CDH4: variants seen among roughly 807,000 people sequenced by gnomAD.
CDH4 encodes cadherin-4.
Under a neutral mutation model 86.0 loss-of-function variants are expected in CDH4, and 33 were observed. That is an observed-to-expected ratio of 0.38 (90% CI 0.29 to 0.51). The LOEUF (loss-of-function observed/expected upper bound fraction) is 0.51. Among genes scored for constraint, CDH4 ranks in the 20% least tolerant of loss-of-function variants. CDH4 has a pLI of 0.86. For missense variants in CDH4, 1,114 were observed against 1,307.4 expected, an observed-to-expected ratio of 0.85 and a Z score of 2.28; for synonymous variants, 555 against 549.4, an observed-to-expected ratio of 1.01 and a Z score of -0.14.
At chr20:61,779,732 C>T (rs11906424) in intron 4 of CDH4, among the ~76,000 whole-genome samples, 3,847 of 152,316 alleles carry the variant, frequency 0.025, 161 homozygotes, top group African/African-American at 0.086. Flanking sequence ...CTGCCCTGCA[C>T]GGGCTCTGGA....
At chr20:61,688,665 C>T (rs777513414) in intron 2 of CDH4, among the ~76,000 whole-genome samples, 1 of 152,250 alleles carries the variant, frequency 6.6e-6, no homozygotes, top group Admixed American at 6.5e-5. Context: ...CACGCTATAA[C>T]CATGTGCATG....
At chr20:61,910,965 G>A (rs920730955) in intron 9 of CDH4, among the ~76,000 whole-genome samples, 4 of 152,184 alleles carry the variant, frequency 2.6e-5, no homozygotes, top group Admixed American at 6.5e-5. Flanking sequence ...GTAATATTTT[G>A]TAACACATTG....
intron 2 of CDH4, among the ~76,000 whole-genome samples, chr20:61,578,456 C>G (rs2086401335): frequency 6.6e-6 from 1 of 152,240 alleles, no homozygotes; most frequent in African/African-American, 2.4e-5. Context: ...TCACGTCCCA[C>G]TGGTTGAACT....
At chr20:61,525,852 G>C (rs1175477827) in intron 2 of CDH4, among the ~76,000 whole-genome samples, 4 of 152,130 alleles carry the variant, frequency 2.6e-5, no homozygotes, top group African/African-American at 9.7e-5. Context: ...GCCGGGCCGG[G>C]CACCGTAAGT....
chr20:61,723,315 G>A (rs1229331268), intron 2 of CDH4, among the ~76,000 whole-genome samples: 1 of 152,164 alleles, frequency 6.6e-6, no homozygotes, highest in Non-Finnish European at 1.5e-5. Context: ...CCGGACCCCC[G>A]TCCTGGCTCC....
chr20:61,282,361 A>G (rs6093082), intron 2 of CDH4, among the ~76,000 whole-genome samples: 19,521 of 152,262 alleles, frequency 0.13, 1,321 homozygotes, highest in Non-Finnish European at 0.14. Context: ...TCAGTCTCAA[A>G]AAAGAAAAAA....
At chr20:61,871,510 C>T (rs942226987) in intron 6 of CDH4, among the ~76,000 whole-genome samples, 10 of 152,198 alleles carry the variant, frequency 6.6e-5, no homozygotes, top group Non-Finnish European at 1.0e-4. Flanking sequence ...TAGCTCTGCG[C>T]GTGTGTTAGG....
chr20:61,572,871 A>ATGGATG (rs2086352261), intron 2 of CDH4, among the ~76,000 whole-genome samples: 2 of 98,952 alleles, frequency 2.0e-5, no homozygotes, highest in Admixed American at 9.4e-5. Flanking sequence ...ATGGATGGAC[A>ATGGATG]GACAGAGGGA....
chr20:61,492,100 G>GTGTTGATGTTGGTGGTGTCGATAT (rs2085629663), intron 2 of CDH4, among the ~76,000 whole-genome samples: 1 of 151,108 alleles, frequency 6.6e-6, no homozygotes. Context: ...GATGGTGGTG[G>GTGTTGATGTTGGTGGTGTCGATAT]TGTTGATGTT....
chr20:61,923,066 CCAA>C (rs1488319899), intron 9 of CDH4, among the ~76,000 whole-genome samples: 3 of 152,258 alleles, frequency 2.0e-5, no homozygotes, highest in African/African-American at 4.8e-5. Context: ...GCCCCGCTGG[CCAA>C]CAACGTCAGG....
At chr20:61,742,588 T>C (rs1451791704) in intron 2 of CDH4, among the ~76,000 whole-genome samples, 1 of 152,184 alleles carries the variant, frequency 6.6e-6, no homozygotes, top group Non-Finnish European at 1.5e-5. Flanking sequence ...ATTGCTTAGA[T>C]ACCCACATTT....
intron 2 of CDH4, among the ~76,000 whole-genome samples, chr20:61,458,225 G>C (rs1295243455): frequency 6.6e-6 from 1 of 151,626 alleles, no homozygotes; most frequent in Non-Finnish European, 1.5e-5. Context: ...AGTGCTGATG[G>C]TGGTGGCAGT....
At chr20:61,922,079 G>C (rs368411731) in intron 9 of CDH4, among the ~76,000 whole-genome samples, 14 of 152,320 alleles carry the variant, frequency 9.2e-5, no homozygotes, top group African/African-American at 3.1e-4. Context: ...TCCCCATGCA[G>C]ATGTACTGCA....
intron 2 of CDH4, among the ~76,000 whole-genome samples, chr20:61,527,004 C>T (rs955034586): frequency 6.6e-5 from 10 of 152,252 alleles, no homozygotes; most frequent in South Asian, 2.1e-4. Context: ...GTGGGAGCCC[C>T]GCACCGGGAC....
intron 2 of CDH4, among the ~76,000 whole-genome samples, chr20:61,659,980 A>G (rs1045473338): frequency 6.6e-6 from 1 of 152,040 alleles, no homozygotes; most frequent in South Asian, 2.1e-4. Context: ...TTCCATGCAC[A>G]GTGGTGGAAA....
At chr20:61,731,476 A>G (rs1042602493) in intron 2 of CDH4, among the ~76,000 whole-genome samples, 17 of 152,092 alleles carry the variant, frequency 1.1e-4, no homozygotes, top group African/African-American at 4.1e-4. Context: ...CTCACTGGGC[A>G]GGGCCCATAG....
At chr20:61,818,255 G>T (rs932551161) in intron 4 of CDH4, among the ~76,000 whole-genome samples, 2 of 152,206 alleles carry the variant, frequency 1.3e-5, no homozygotes, top group Non-Finnish European at 2.9e-5. Context: ...GCTTGGCTTC[G>T]AGGCTGCATG....
chr20:61,911,051 G>A (rs2054844665), intron 9 of CDH4, among the ~76,000 whole-genome samples: 1 of 152,174 alleles, frequency 6.6e-6, no homozygotes, highest in Non-Finnish European at 1.5e-5. Context: ...GTCCTCATCT[G>A]GGTTTTGGTA....
rs1212955835 is a variant in CDH4 at position 61,534,929 on chromosome 20, TG to T, written c.170-208632del. Among the ~76,000 whole-genome samples, 13 of 151,584 alleles carry T rather than the reference TG, an allele frequency of 8.6e-5. 1 individual carries two copies. Among genetic ancestry groups the T allele is most frequent in the African/African-American group, 2.9e-4 (12 of 41,276 alleles). On this transcript the variant is annotated intron_variant, in intron 2 of 15. Transcript: ENST00000614565. ...TGGGACGCTCCTTTGGAGCAGCCTC[TG>T]GTGGGACAGTGGCAGAGATGCCTGC...
Sources: allele counts gnomAD v4.1 joint callset (sites outside exome capture counted in the v4.1 genomes callset), GRCh38; gene constraint gnomAD v4.1.1; transcripts MANE v1.5; gene names NCBI Gene and HGNC (gene_info 2026-07-23, HGNC 2026-07-21).